Variants in NR1D2 observed in about 807,000 individuals in gnomAD.
The protein encoded by NR1D2 is V-erbA-related protein 1-related.
In NR1D2, 25 loss-of-function variants were observed where a neutral mutation model predicts 52.2. The ratio of observed to expected loss-of-function variants is 0.48; its 90% confidence interval spans 0.35 to 0.67. The LOEUF is 0.67. NR1D2 is among the 30% of genes least tolerant of loss of function. NR1D2 has a pLI of 0.01. For missense variants in NR1D2, 681 were observed against 707.2 expected (o/e 0.96, Z 0.42); for synonymous variants, 259 against 230.1 (o/e 1.13, Z -1.14).
rs761360711 is a variant in NR1D2, at chr3:23,967,987, A to T, written c.1507A>T (p.Met503Leu). Reference sequence around the variant, plus strand: ...TGCCCTCCAACTTAGTGATGAAGAGATGAGTTTGTTTACAGCTGTTGTCCT... The same window carrying T: ...TGCCCTCCAACTTAGTGATGAAGAGTTGAGTTTGTTTACAGCTGTTGTCCT... ...LNALQLSDEE[M>L]SLFTAVVLVS... is the part of the protein sequence containing the mutation. Residue 503 changes from methionine to leucine, a missense_variant, in exon 7 of 8, where the codon ATG (methionine) becomes TTG (leucine). Transcript: ENST00000312521. 1.9e-6 allele frequency: 3 copies of T among 1,614,164 alleles called. No homozygotes were observed. The highest frequency in any genetic ancestry group is 2.5e-6 in the Non-Finnish European group (3 of 1,180,024).
rs900668937 is a variant in NR1D2 at position 23,980,265 on chromosome 3, A to C, written c.*2846A>C. On this transcript the variant is annotated 3_prime_UTR_variant, in exon 8 of 8. Coordinates refer to ENST00000312521, the MANE Select transcript of NR1D2 (RefSeq NM_005126.5). The stretch of plus-strand genomic sequence containing the variant: ...TGCACGAAAGTAAATACCTATCTCA[A>C]TTATTCTTTTTCTTTTCCAATATAA... 6.6e-6 allele frequency: 1 copy of C among 152,150 alleles called. No homozygotes were observed. Among genetic ancestry groups the C allele is most frequent in the Non-Finnish European group, 1.5e-5 (1 of 67,998 alleles). The allele number at this position is 152,150 out of a possible 1,614,324, so 9.4% of individuals were successfully genotyped here. A position where few individuals can be genotyped will look rare whatever the true frequency, so the allele number is the denominator to read the frequency against.
At chr3:23,955,986 C>G (rs368443736) in intron 2 of NR1D2, 51 bp from the exon 3 acceptor site, 24 of 1,290,568 alleles carry the variant, frequency 1.9e-5, no homozygotes, top group Non-Finnish European at 2.5e-5. Flanking sequence ...GGAAAGAAAA[C>G]AGACTCGGTG....
chr3:23,974,635 T>TA (rs1373073359), intron 7 of NR1D2, among the ~76,000 whole-genome samples: 3 of 152,054 alleles, frequency 2.0e-5, no homozygotes, highest in African/African-American at 2.4e-5. Flanking sequence ...AGTGTTTTTT[T>TA]TAAAAAAACC....
At chr3:23,946,967 T>C (rs1261586935) in intron 1 of NR1D2, among the ~76,000 whole-genome samples, 1 of 152,216 alleles carries the variant, frequency 6.6e-6, no homozygotes, top group African/African-American at 2.4e-5. Flanking sequence ...TGTGAACTTT[T>C]CACCAAAAGT....
At position 23,946,696 on chromosome 3, in the gene NR1D2, C is replaced by T. The variant is rs1370066341; in HGVS notation, c.16+1102C>T. 2.0e-5 allele frequency: 3 copies of T among 152,140 alleles called. No homozygotes were observed. The East Asian group carries it at 5.8e-4, about 29-fold the overall frequency. 9.4% of individuals were successfully genotyped at this position (152,140 alleles called of 1,614,324 possible). ...AACACCATATGTAAGACTGGACATT[C>T]TTCATTTAAATTAAAAAAAAATTAA... On this transcript the variant is annotated intron_variant, in intron 1 of 7. Transcript: ENST00000312521.
intron 4 of NR1D2, among the ~76,000 whole-genome samples, chr3:23,960,150 C>T (rs547999536): frequency 7.9e-5 from 12 of 152,074 alleles, no homozygotes; most frequent in South Asian, 2.1e-4. Flanking sequence ...GGCTCACGCC[C>T]GTAATCCCAA....
chr3:23,947,982 G>T (rs2125280106), intron 1 of NR1D2, among the ~76,000 whole-genome samples: 1 of 152,240 alleles, frequency 6.6e-6, no homozygotes, highest in South Asian at 2.1e-4. Flanking sequence ...GCCGGGCGTG[G>T]TGGTGGGCTC....
intron 5 of NR1D2, among the ~76,000 whole-genome samples, 191 bp downstream of exon 5, chr3:23,962,796 C>T (rs551879300): frequency 4.6e-5 from 7 of 152,224 alleles, no homozygotes; most frequent in East Asian, 1.9e-4. Flanking sequence ...TAATTTCACA[C>T]CCAGCTAGGT....
chr3:23,954,849 T>C lies in NR1D2; in HGVS notation c.283+46T>C, dbSNP rs745847910. On this transcript the variant is annotated intron_variant, in intron 2 of 7. Transcript: ENST00000312521. ...AAAGATTGCTGCCATTAATTGCAAA[T>C]GGGGCTTATTTTATCAGCTTTTCAT... 11 of 1,575,986 alleles carry C rather than the reference T, an allele frequency of 7.0e-6. No homozygotes were observed. The Admixed American group carries it at 1.9e-4, about 27-fold the overall frequency.
In NR1D2 at chr3:23,962,008, A is replaced by G. The variant is rs1270565647; in HGVS notation, c.549A>G (p.Glu183=). The G allele has an allele frequency of 1.2e-6, 2 of 1,611,470 alleles. No individual in the cohort carries two copies. The highest frequency in any genetic ancestry group is 2.7e-5 in the African/African-American group (2 of 74,828). ...GGTTTGGTCGTATTCCTAAGCGTGAAAAACAGAGGATGCTAATTGAAATGC... is the reference window on the plus strand; with the variant it reads ...GGTTTGGTCGTATTCCTAAGCGTGAGAAACAGAGGATGCTAATTGAAATGC... ...AVRFGRIPKR[E]KQRMLIEMQS... is the part of the protein sequence containing the mutation. The change falls in exon 5 of 8, where the codon GAA becomes GAG. Residue 183 remains glutamate, a synonymous_variant. Transcript: ENST00000312521.
chr3:23,960,591 C>G (rs1706207998), intron 4 of NR1D2, among the ~76,000 whole-genome samples: 1 of 152,140 alleles, frequency 6.6e-6, no homozygotes, highest in South Asian at 2.1e-4. Context: ...CTCGGCCTCC[C>G]AAAGCGCTGG....
intron 1 of NR1D2, among the ~76,000 whole-genome samples, chr3:23,951,079 A>G (rs1026251483): frequency 6.6e-6 from 1 of 151,528 alleles, no homozygotes. Context: ...CTAATTTTGT[A>G]TTTTTAGTAG....
intron 1 of NR1D2, 99 bp from the exon 2 acceptor site, chr3:23,954,438 C>G (rs1345762302): frequency 1.0e-6 from 1 of 968,234 alleles, no homozygotes; most frequent in Non-Finnish European, 1.6e-6. Flanking sequence ...ATATCAGTAT[C>G]CTGTTTCTAA....
intron 2 of NR1D2, 113 bp from the exon 3 acceptor site, chr3:23,955,924 A>C: frequency 1.5e-6 from 1 of 656,046 alleles, no homozygotes. Context: ...ATGAAAGTAG[A>C]TGTGTATCTT....
chr3:23,945,681 G>A (rs1384499736), intron 1 of NR1D2, 87 bp downstream of exon 1: 2 of 833,672 alleles, frequency 2.4e-6, no homozygotes, highest in Admixed American at 5.0e-5. Context: ...GGCAGGGGGT[G>A]TCCCCATGGC....
chr3:23,945,619 G>T, intron 1 of NR1D2, 25 bp downstream of exon 1: 1 of 1,176,372 alleles, frequency 8.5e-7, no homozygotes, highest in African/African-American at 1.6e-5. Context: ...GCGGCGGGTG[G>T]GGGATGGCCG....
intron 3 of NR1D2, 90 bp from the exon 4 acceptor site, chr3:23,959,581 C>A (rs1004497626): frequency 2.4e-6 from 3 of 1,244,356 alleles, no homozygotes; most frequent in Non-Finnish European, 3.4e-6. Flanking sequence ...TGTAGTTCGT[C>A]ATATACACTA....
chr3:23,969,364 A>G (rs1020431104), intron 7 of NR1D2, among the ~76,000 whole-genome samples: 1 of 152,282 alleles, frequency 6.6e-6, no homozygotes, highest in East Asian at 1.9e-4. Flanking sequence ...CAGTGGAATA[A>G]AGACTTGCCA....
Position 23,975,446 on chromosome 3 carries a change from C to T in NR1D2, c.1544-1777C>T, listed in dbSNP as rs555699049. Reference sequence around the variant, plus strand: ...GCCTTTTTTTCCAAATAAGAATTAACATATAGTTGTAATGTTCAAATTTTG... The same window carrying T: ...GCCTTTTTTTCCAAATAAGAATTAATATATAGTTGTAATGTTCAAATTTTG... On this transcript the variant is annotated intron_variant, in intron 7 of 7. Coordinates refer to ENST00000312521, the MANE Select transcript of NR1D2 (RefSeq NM_005126.5). Among the ~76,000 whole-genome samples, 11 of 152,064 alleles carry T rather than the reference C, an allele frequency of 7.2e-5. 1 individual carries two copies. The South Asian group carries it at 2.3e-3, about 32-fold the overall frequency.
Sources: gnomAD v4.1 joint callset for allele counts (sites outside exome capture counted in the v4.1 genomes callset) on GRCh38, gnomAD v4.1.1 for gene constraint, MANE v1.5 for transcripts, NCBI Gene and HGNC (gene_info 2026-07-23, HGNC 2026-07-21) for gene names.